Variants in ABCB5 observed in about 807,000 individuals in gnomAD.
The protein encoded by ABCB5 is ATP binding cassette subfamily B member 5.
A neutral mutation model predicts 144.2 loss-of-function variants in ABCB5; 155 were observed. The observed-to-expected ratio is 1.08, with a 90% CI of 0.94 to 1.23. The LOEUF (loss-of-function observed/expected upper bound fraction) is 1.23. Ranked by LOEUF, ABCB5 falls within the 50% of genes most tolerant of loss-of-function variation. The pLI is 0.00. For synonymous variants in ABCB5, 610 were observed against 528.6 expected, an observed-to-expected ratio of 1.15 and a Z score of -2.11; for missense variants, 1,830 against 1,520.8, an observed-to-expected ratio of 1.20 and a Z score of -3.38.
intron 20 of ABCB5, among the ~76,000 whole-genome samples, chr7:20,719,992 G>A (rs890699623): frequency 1.3e-5 from 2 of 151,798 alleles, no homozygotes. Context: ...TCTGACCACT[G>A]AATTCTAGTA....
At position 20,643,055 on chromosome 7, in the gene ABCB5, T is replaced by C. The variant is rs955813022; in HGVS notation, c.315-129T>C. 2.4e-5 allele frequency: 18 copies of C among 741,190 alleles called. No homozygotes were observed. The African/African-American group carries it at 3.0e-4, about 12-fold the overall frequency. 45.9% of individuals were successfully genotyped at this position (741,190 alleles called of 1,614,324 possible). A position where few individuals can be genotyped will look rare whatever the true frequency, so the allele number is the denominator to read the frequency against. ...TTCAATGCACTTCACTCTCATGGCA[T>C]GTTATTTTTAGTTCTTTTTCTAGTT... On this transcript the variant is annotated intron_variant, in intron 5 of 27. Transcript: ENST00000404938.
intron 16 of ABCB5, among the ~76,000 whole-genome samples, chr7:20,689,144 G>T (rs1786118178): frequency 6.6e-6 from 1 of 151,978 alleles, no homozygotes; most frequent in Admixed American, 6.6e-5. Flanking sequence ...AATAATAAAA[G>T]AAAGTTAAGA....
intron 1 of ABCB5, among the ~76,000 whole-genome samples, chr7:20,621,092 G>A (rs1007239731): frequency 6.6e-6 from 1 of 152,028 alleles, no homozygotes; most frequent in African/African-American, 2.4e-5. Flanking sequence ...GTGATACATT[G>A]ATGAACCTTG....
At chr7:20,633,834 C>G (rs1329886250) in intron 5 of ABCB5, among the ~76,000 whole-genome samples, 2 of 151,908 alleles carry the variant, frequency 1.3e-5, no homozygotes, top group East Asian at 1.9e-4. Flanking sequence ...CCTAATATGC[C>G]CTGTCCAATA....
chr7:20,677,833 C>T (rs893487039), intron 14 of ABCB5, among the ~76,000 whole-genome samples: 1 of 152,162 alleles, frequency 6.6e-6, no homozygotes, highest in Non-Finnish European at 1.5e-5. Context: ...GTGGGAAAAA[C>T]CAGCTGAAGT....
intron 26 of ABCB5, among the ~76,000 whole-genome samples, chr7:20,749,384 A>G (rs1782844615): frequency 7.3e-6 from 1 of 137,572 alleles, no homozygotes; most frequent in Non-Finnish European, 1.5e-5. Context: ...CCTGCCACCT[A>G]TGCCTGCCTA....
chr7:20,732,863 T>A (rs929624695), intron 23 of ABCB5, among the ~76,000 whole-genome samples: 4 of 152,202 alleles, frequency 2.6e-5, no homozygotes, highest in African/African-American at 9.6e-5. Flanking sequence ...GCCAGTCACT[T>A]TCATGCCTGC....
rs1458260024 is a variant in ABCB5 at position 20,646,062 on chromosome 7, A to G, written c.905A>G (p.Tyr302Cys). The G allele has an allele frequency of 1.2e-6, 2 of 1,613,836 alleles. No homozygotes were observed. The highest frequency in any genetic ancestry group is 1.7e-6 in the Non-Finnish European group (2 of 1,179,782). The stretch of plus-strand genomic sequence containing the variant: ...GTGTACTTCTTTATGAATGGAACCT[A>G]TGGACTTGCTTTTTGGTATGGAACC... Reference protein sequence around the residue: ...GAVYFFMNGTYGLAFWYGTSL... With the variant: ...GAVYFFMNGTCGLAFWYGTSL... The change falls in exon 9 of 28, where the codon TAT becomes TGT. Residue 302 changes from tyrosine to cysteine, a missense_variant. Physicochemically the swap from Tyr to Cys is radical, Grantham distance 194. Transcript: ENST00000404938.
chr7:20,652,152 G>A (rs539054904), intron 13 of ABCB5, among the ~76,000 whole-genome samples: 10 of 152,286 alleles, frequency 6.6e-5, no homozygotes, highest in Non-Finnish European at 1.2e-4. Context: ...GTTTATTTGC[G>A]AGGCCATCTT....
chr7:20,720,535 T>TAAGACTCTTACCA (rs1554288255), intron 20 of ABCB5, among the ~76,000 whole-genome samples: 1 of 151,710 alleles, frequency 6.6e-6, no homozygotes, highest in Non-Finnish European at 1.5e-5. Context: ...ATCACTTCTC[T>TAAGACTCTTACCA]AAGATGCATA....
At chr7:20,649,715 T>C (rs149299143) in intron 11 of ABCB5, among the ~76,000 whole-genome samples, 58 of 152,356 alleles carry the variant, frequency 3.8e-4, no homozygotes, top group African/African-American at 1.2e-3. Flanking sequence ...AAGACTTTCA[T>C]TAACTTGATA....
rs1554289437 is a variant in ABCB5 at position 20,731,369 on chromosome 7, A to AATATAT, written c.2867+2926_2867+2931dup. On this transcript the variant is annotated intron_variant, in intron 23 of 27. Coordinates refer to ENST00000404938, the MANE Select transcript of ABCB5 (RefSeq NM_001163941.2). Reference sequence around the variant, plus strand: ...CTCCAACTCAGGAAAAAAAAAAAAAAATATATATATATATATACATATAAA... The same window carrying AATATAT: ...CTCCAACTCAGGAAAAAAAAAAAAAAATATATATATATATATATATATACATATAAA... Among the ~76,000 whole-genome samples the AATATAT allele has an allele frequency of 1.5e-3, 187 of 123,052 alleles. 2 individuals are homozygous for AATATAT. Among genetic ancestry groups the AATATAT allele is most frequent in the East Asian group, 4.1e-3 (17 of 4,190 alleles). 80.7% of individuals were successfully genotyped at this position (123,052 alleles called of 152,430 possible).
At chr7:20,724,766 T>C (rs945386603) in intron 21 of ABCB5, among the ~76,000 whole-genome samples, 5 of 152,102 alleles carry the variant, frequency 3.3e-5, no homozygotes, top group African/African-American at 7.2e-5. Flanking sequence ...TGTGTCACAA[T>C]TGGCATAGCA....
At chr7:20,691,343 G>C (rs1165839766) in intron 16 of ABCB5, among the ~76,000 whole-genome samples, 1 of 151,778 alleles carries the variant, frequency 6.6e-6, no homozygotes, top group Non-Finnish European at 1.5e-5. Context: ...AGTAGCCAGA[G>C]GTTTCAGAGC....
In ABCB5 at chr7:20,643,649, A is replaced by C; in HGVS notation, c.678+17A>C. On this transcript the variant is annotated intron_variant, in intron 7 of 27. Coordinates refer to ENST00000404938, the MANE Select transcript of ABCB5 (RefSeq NM_001163941.2). ...TGTTCTAGGGTAAGTGAGATGGCTA[A>C]TGCAATATTGAATGGAAGCAGCAGT... The C allele has an allele frequency of 6.2e-7, 1 of 1,612,720 alleles. No homozygotes were observed. The highest frequency in any genetic ancestry group is 8.5e-7 in the Non-Finnish European group (1 of 1,178,992).
At chr7:20,659,554 G>T in intron 14 of ABCB5, 1 of 998,298 alleles carries the variant, frequency 1.0e-6, no homozygotes, top group Non-Finnish European at 1.2e-6. Flanking sequence ...TTGAACGCTT[G>T]TTTCCCTCCC....
intron 23 of ABCB5, among the ~76,000 whole-genome samples, chr7:20,734,766 C>A (rs1782330923): frequency 6.6e-6 from 1 of 152,102 alleles, no homozygotes; most frequent in South Asian, 2.1e-4. Flanking sequence ...TTTCATTCTG[C>A]CACCTTACAG....
chr7:20,633,542 T>G (rs965009150), intron 5 of ABCB5, among the ~76,000 whole-genome samples: 2 of 152,176 alleles, frequency 1.3e-5, no homozygotes, highest in African/African-American at 2.4e-5. Flanking sequence ...CTGTAATACA[T>G]ATAACGTATA....
At chr7:20,705,598 A>G (rs1391631719) in intron 20 of ABCB5, among the ~76,000 whole-genome samples, 1 of 152,106 alleles carries the variant, frequency 6.6e-6, no homozygotes, top group African/African-American at 2.4e-5. Context: ...CTTTTTCCTT[A>G]TCATGCATTT....
Sources: gnomAD v4.1 joint callset for allele counts (sites outside exome capture counted in the v4.1 genomes callset) on GRCh38, gnomAD v4.1.1 for gene constraint, MANE v1.5 for transcripts, NCBI Gene and HGNC (gene_info 2026-07-23, HGNC 2026-07-21) for gene names.